BUB1: variants seen among roughly 807,000 people sequenced by gnomAD.
BUB1 encodes BUB1 mitotic checkpoint serine/threonine kinase, also known as mitotic checkpoint serine/threonine-protein kinase BUB1.
A neutral mutation model predicts 135.2 loss-of-function variants in BUB1; 84 were observed. That is an observed-to-expected ratio of 0.62 (90% CI 0.52 to 0.74). BUB1 has a LOEUF of 0.74. BUB1 is among the 30% of genes least tolerant of loss of function. The pLI is 0.00. For missense variants in BUB1, 1,162 were observed against 1,288.3 expected, an observed-to-expected ratio of 0.90 and a Z score of 1.50; for synonymous variants, 403 against 434.4, an observed-to-expected ratio of 0.93 and a Z score of 0.90.
In BUB1 at chr2:110,661,724, G is replaced by A; in HGVS notation, c.1075C>T (p.Pro359Ser). 6.2e-7 allele frequency: 1 copy of A among 1,614,206 alleles called. No homozygotes were observed. The highest frequency in any genetic ancestry group is 8.5e-7 in the Non-Finnish European group (1 of 1,180,042). Residue 359 changes from proline to serine, a missense_variant, in exon 10 of 25, where the codon CCT becomes TCT. Transcript: ENST00000302759. ...TTTGCCAAAGGAGGAACAACAGGAG[G>A]TGCCTCTCTTGGGTTCTTTTCCATG... is the stretch of plus-strand genomic sequence containing the variant. ...VNMEKNPREAPPVVPPLANAI... is the reference protein window; with the variant it reads ...VNMEKNPREASPVVPPLANAI...
chr2:110,667,449 A>G, intron 8 of BUB1, 72 bp downstream of exon 8: 1 of 1,409,830 alleles, frequency 7.1e-7, no homozygotes, highest in East Asian at 2.3e-5. Context: ...ATTCTTTAAA[A>G]AAGTAATTAC....
At chr2:110,669,330 G>C in intron 6 of BUB1, 123 bp downstream of exon 6, 1 of 688,310 alleles carries the variant, frequency 1.5e-6, no homozygotes, top group Non-Finnish European at 2.6e-6. Context: ...GGCTGACATG[G>C]AGCTCAGAGC....
chr2:110,640,496 G>A (rs1689474121), intron 23 of BUB1, among the ~76,000 whole-genome samples: 1 of 152,142 alleles, frequency 6.6e-6, no homozygotes. Context: ...TATTCTAGTT[G>A]GTTGAAAATT....
At chr2:110,641,896 T>C (rs758512869) in intron 20 of BUB1, 93 bp from the exon 21 acceptor site, 27 of 1,367,490 alleles carry the variant, frequency 2.0e-5, no homozygotes, top group Non-Finnish European at 2.1e-5. Context: ...AGATGTGGTG[T>C]TGATAGTGAT....
intron 16 of BUB1, among the ~76,000 whole-genome samples, chr2:110,655,259 C>T (rs992053888): frequency 2.6e-5 from 4 of 152,120 alleles, no homozygotes; most frequent in Admixed American, 1.3e-4. Flanking sequence ...TTCTGACTAT[C>T]GTACTTGGCT....
At chr2:110,663,177 G>A (rs1690146308) in intron 9 of BUB1, among the ~76,000 whole-genome samples, 1 of 151,990 alleles carries the variant, frequency 6.6e-6, no homozygotes, top group South Asian at 2.1e-4. Context: ...CTGCTCAGGA[G>A]GCTGAGGCAG....
rs756456694 is a variant in BUB1 at position 110,666,393 on chromosome 2, A to C, written c.827T>G (p.Met276Arg). 1 of 1,470,480 alleles carries C rather than the reference A, an allele frequency of 6.8e-7. No homozygotes were observed. Among genetic ancestry groups the C allele is most frequent in the Non-Finnish European group, 9.0e-7 (1 of 1,106,202 alleles). The allele number at this position is 1,470,480 out of a possible 1,614,324, so 91.1% of individuals were successfully genotyped here. ...AAAAGCATTTGCTTCTTTCCTTTTCATATAATGTCTGTCTTCATTTACTTT... is the reference window on the plus strand; with the variant it reads ...AAAAGCATTTGCTTCTTTCCTTTTCCTATAATGTCTGTCTTCATTTACTTT... ...EQWVNEDRHYMKRKEANAFEE... is the reference protein window; with the variant it reads ...EQWVNEDRHYRKRKEANAFEE... Residue 276 changes from methionine (M) to arginine (R), a missense_variant, in exon 9 of 25, where the codon ATG becomes AGG. Physicochemically the swap from Met to Arg is moderately conservative, Grantham distance 91 (BLOSUM62 -1). Coordinates refer to ENST00000302759, the MANE Select transcript of BUB1 (RefSeq NM_004336.5).
intron 19 of BUB1, among the ~76,000 whole-genome samples, chr2:110,645,311 G>C (rs540613173): frequency 6.6e-6 from 1 of 151,960 alleles, no homozygotes; most frequent in African/African-American, 2.4e-5. Flanking sequence ...GTGTGCGCCT[G>C]TAGTCCCAGC....
At chr2:110,665,398 C>T (rs146272786) in intron 9 of BUB1, among the ~76,000 whole-genome samples, 2,864 of 151,928 alleles carry the variant, frequency 0.019, 44 homozygotes, top group Non-Finnish European at 0.026. Context: ...GGCAACATGG[C>T]GAGACCCCAT....
At chr2:110,647,306 T>C (rs1311514567) in intron 19 of BUB1, among the ~76,000 whole-genome samples, 1 of 152,096 alleles carries the variant, frequency 6.6e-6, no homozygotes, top group African/African-American at 2.4e-5. Context: ...AGCAAAATAT[T>C]AGTAAATCCA....
chr2:110,672,030 C>T (rs948271757), intron 4 of BUB1, among the ~76,000 whole-genome samples: 1 of 152,164 alleles, frequency 6.6e-6, no homozygotes, highest in Non-Finnish European at 1.5e-5. Flanking sequence ...GGTTCAAGAC[C>T]AGTCTGGCCA....
At chr2:110,670,615 T>G in intron 4 of BUB1, 47 bp from the exon 5 acceptor site, 1 of 1,580,262 alleles carries the variant, frequency 6.3e-7, no homozygotes, top group South Asian at 1.1e-5. Flanking sequence ...AAACTTACAG[T>G]ACATAGCTGT....
Position 110,672,722 on chromosome 2 carries a change from C to G in BUB1, c.361G>C (p.Val121Leu). Reference protein sequence around the residue: ...AQGELQHASAVLQRGIQNQAE... With the variant: ...AQGELQHASALLQRGIQNQAE... ...TGGTTTTGAATTCCTCTCTGAAGGA[C>G]AGCACTGGCATGCTGCAGCTCTCCT... Residue 121 changes from valine (V) to leucine (L), a missense_variant, in exon 4 of 25, where the codon GTC (valine) becomes CTC (leucine). Val to Leu is a conservative substitution (Grantham distance 32, BLOSUM62 1). Coordinates refer to ENST00000302759, the MANE Select transcript of BUB1 (RefSeq NM_004336.5). 1 of 1,613,748 alleles carries G rather than the reference C, an allele frequency of 6.2e-7. No homozygotes were observed. Among genetic ancestry groups the G allele is most frequent in the Non-Finnish European group, 8.5e-7 (1 of 1,179,872 alleles).
At chr2:110,665,569 GTT>G (rs1454851145) in intron 9 of BUB1, among the ~76,000 whole-genome samples, 1 of 142,370 alleles carries the variant, frequency 7.0e-6, no homozygotes, top group Non-Finnish European at 1.5e-5. Context: ...GAAAAAGAAT[GTT>G]TGTGTGTGTG....
intron 17 of BUB1, among the ~76,000 whole-genome samples, chr2:110,652,529 TAATA>T (rs1163864662): frequency 6.6e-6 from 1 of 151,900 alleles, no homozygotes; most frequent in African/African-American, 2.4e-5. Context: ...TGACAATATA[TAATA>T]AATAAGGTGT....
intron 13 of BUB1, 47 bp from the exon 14 acceptor site, chr2:110,657,692 AC>A (rs763612221): frequency 1.4e-4 from 195 of 1,349,214 alleles, no homozygotes; most frequent in Middle Eastern, 2.0e-4. Context: ...CTAGGAAAAA[AC>A]ATCCTTTATA....
rs375128586 is a variant in BUB1 at position 110,653,449 on chromosome 2, C to T, written c.1951G>A (p.Asp651Asn). The T allele has an allele frequency of 8.7e-6, 14 of 1,613,672 alleles. No homozygotes were observed. In the African/African-American group the frequency reaches 1.6e-4, roughly 18 times the overall value. The part of the protein sequence containing the change: ...CEENMVVPSR[D>N]GKFSPIQEKS... Reference sequence around the variant, plus strand: ...CCCTCACAATACCTGAATTTTCCATCCCTTGAAGGCACCACCATGTTTTCC... The same window carrying T: ...CCCTCACAATACCTGAATTTTCCATTCCTTGAAGGCACCACCATGTTTTCC... The change falls in exon 17 of 25, where the codon GAT becomes AAT. Residue 651 changes from aspartate to asparagine, a missense_variant. By Grantham distance (23) the Asp-to-Asn change is conservative. Transcript: ENST00000302759.
rs773048422 is a variant in BUB1, at chr2:110,650,700, T to TGCA, written c.2046_2048dup (p.Ala683dup). Reference sequence around the variant, plus strand: ...CTGCCTCACAGGTAAGTACCCCACCTGCAGCAGGCTGGCTCAGACGAAGTA... The same window carrying TGCA: ...CTGCCTCACAGGTAAGTACCCCACCTGCAGCAGCAGGCTGGCTCAGACGAAGTA... On this transcript the variant is annotated inframe_insertion, in exon 18 of 25. Coordinates refer to ENST00000302759, the MANE Select transcript of BUB1 (RefSeq NM_004336.5). 4 of 1,614,046 alleles carry TGCA rather than the reference T, an allele frequency of 2.5e-6. No homozygotes were observed. The highest frequency in any genetic ancestry group is 3.4e-6 in the Non-Finnish European group (4 of 1,179,974).
chr2:110,646,212 T>A (rs1488470341), intron 19 of BUB1, among the ~76,000 whole-genome samples: 1 of 149,088 alleles, frequency 6.7e-6, no homozygotes, highest in Non-Finnish European at 1.5e-5. Context: ...GGTGCATGAC[T>A]GTAGTCCTAA....
Sources: allele counts gnomAD v4.1 joint callset (sites outside exome capture counted in the v4.1 genomes callset), GRCh38; gene constraint gnomAD v4.1.1; transcripts MANE v1.5; gene names NCBI Gene and HGNC (gene_info 2026-07-23, HGNC 2026-07-21).